Variants in MOV10L1 observed in about 807,000 individuals in gnomAD.
MOV10L1 encodes Mov10 like RNA helicase 1, also known as RNA helicase Mov10l1.
A neutral mutation model predicts 143.8 loss-of-function variants in MOV10L1; 110 were observed. That is an observed-to-expected ratio of 0.76 (90% CI 0.66 to 0.90). MOV10L1 has a LOEUF of 0.90. Ranked by LOEUF, MOV10L1 falls within the 40% of genes least tolerant of loss-of-function variation. MOV10L1 has a pLI of 0.00. For missense variants in MOV10L1, 1,406 were observed against 1,526.8 expected, an observed-to-expected ratio of 0.92 and a Z score of 1.32; for synonymous variants, 593 against 581.1, an observed-to-expected ratio of 1.02 and a Z score of -0.29.
rs1040326556 is a variant in MOV10L1 at position 50,134,704 on chromosome 22, G to A, written c.2070+74G>A. The A allele has an allele frequency of 1.4e-5, 18 of 1,297,296 alleles. No homozygotes were observed. In the Admixed American group the frequency reaches 2.4e-4, roughly 17 times the overall value. The allele number at this position is 1,297,296 out of a possible 1,614,324, so 80.4% of individuals were successfully genotyped here. On this transcript the variant is annotated intron_variant, in intron 15 of 26. Coordinates refer to ENST00000262794, the MANE Select transcript of MOV10L1 (RefSeq NM_018995.3). ...CGTGGCTGTCTTTACATAGGGGGTG[G>A]CTCAGCGGCGTGACTGTCTCTACAC... is the stretch of plus-strand genomic sequence containing the variant.
chr22:50,109,670 CAAAAAAA>C (rs35087419), intron 5 of MOV10L1: 6,373 of 107,384 alleles, frequency 0.059, 216 homozygotes, highest in African/African-American at 0.14. Context: ...GACTCCTTCT[CAAAAAAA>C]AAAAAAAAAA....
At chr22:50,129,489 T>C (rs929561454) in intron 13 of MOV10L1, among the ~76,000 whole-genome samples, 1 of 152,252 alleles carries the variant, frequency 6.6e-6, no homozygotes, top group African/African-American at 2.4e-5. Flanking sequence ...GTTCATTGGT[T>C]TGCGGTTGTG....
chr22:50,097,890 A>G (rs1352786656), intron 2 of MOV10L1, among the ~76,000 whole-genome samples: 3 of 151,926 alleles, frequency 2.0e-5, no homozygotes, highest in South Asian at 2.1e-4. Flanking sequence ...ATGGAGTGCA[A>G]TGATGTGATA....
chr22:50,146,271 A>G (rs949042449), intron 19 of MOV10L1, among the ~76,000 whole-genome samples: 1 of 151,792 alleles, frequency 6.6e-6, no homozygotes, highest in African/African-American at 2.4e-5. Flanking sequence ...TGCCTAGGAA[A>G]CGGCTGGGCT....
At chr22:50,146,285 T>G (rs2063150753) in intron 19 of MOV10L1, among the ~76,000 whole-genome samples, 1 of 151,770 alleles carries the variant, frequency 6.6e-6, no homozygotes, top group African/African-American at 2.4e-5. Context: ...CTGGGCTCTG[T>G]AAGGTCAGAC....
intron 1 of MOV10L1, chr22:50,090,512 G>A (rs773433665): frequency 6.2e-7 from 1 of 1,608,494 alleles, no homozygotes; most frequent in Non-Finnish European, 8.5e-7. Context: ...CATTGGCGGT[G>A]GTGTGTCTAG....
At chr22:50,160,886 G>A (rs909863301) in intron 25 of MOV10L1, 61 bp downstream of exon 25, 60 of 1,613,044 alleles carry the variant, frequency 3.7e-5, no homozygotes, top group Non-Finnish European at 4.7e-5. Flanking sequence ...CGGGTCACTC[G>A]GGGTGAGACG....
At chr22:50,090,424 TC>T in intron 1 of MOV10L1, 1 of 1,590,482 alleles carries the variant, frequency 6.3e-7, no homozygotes, top group Non-Finnish European at 8.6e-7. Flanking sequence ...CAGCCCCTCT[TC>T]CCGCCCTCAC....
At chr22:50,145,221 C>T (rs1288609119) in intron 18 of MOV10L1, among the ~76,000 whole-genome samples, 2 of 152,206 alleles carry the variant, frequency 1.3e-5, no homozygotes, top group Non-Finnish European at 2.9e-5. Context: ...AGATTACAGG[C>T]TTTAGCCACT....
chr22:50,101,077 A>T (rs376436402), intron 3 of MOV10L1, among the ~76,000 whole-genome samples: 2 of 152,182 alleles, frequency 1.3e-5, no homozygotes, highest in African/African-American at 4.8e-5. Context: ...GTCCATTTGC[A>T]CAGCCCACAG....
intron 2 of MOV10L1, 88 bp downstream of exon 2, chr22:50,092,273 C>G (rs1330016263): frequency 9.0e-6 from 11 of 1,222,796 alleles, no homozygotes; most frequent in Non-Finnish European, 1.2e-5. Flanking sequence ...CAGACATGAC[C>G]CGGCCAAGGG....
chr22:50,153,329 C>T, intron 22 of MOV10L1, 111 bp downstream of exon 22: 1 of 1,291,334 alleles, frequency 7.7e-7, no homozygotes, highest in Non-Finnish European at 1.1e-6. Flanking sequence ...GGCAGATGTT[C>T]TGCTGGTCTC....
chr22:50,124,721 C>G (rs1427916972), intron 10 of MOV10L1, among the ~76,000 whole-genome samples: 1 of 152,146 alleles, frequency 6.6e-6, no homozygotes, highest in Non-Finnish European at 1.5e-5. Context: ...TGAGTGGGTC[C>G]CCTGACCCTC....
chr22:50,092,138 G>A lies in MOV10L1; in HGVS notation c.235G>A (p.Ala79Thr), dbSNP rs757285716. 1 of 1,614,216 alleles carries A rather than the reference G, an allele frequency of 6.2e-7. No homozygotes were observed. Among genetic ancestry groups the A allele is most frequent in the Admixed American group, 1.7e-5 (1 of 60,026 alleles). The change falls in exon 2 of 27, where the codon GCA (alanine) becomes ACA (threonine). Residue 79 changes from alanine to threonine, a missense_variant. This residue lies in a region of MOV10L1 where 166 missense variants were observed against 153.9 expected (regional missense o/e 1.08). Coordinates refer to ENST00000262794, the MANE Select transcript of MOV10L1 (RefSeq NM_018995.3). ...VLLNVGQEVI[A>T]VVEENKVSNG... ...TCTGAATGTTGGACAGGAAGTGATT[G>A]CAGTTGTGGAAGAAAATAAAGTGTC...
At chr22:50,125,949 G>A (rs1432271665) in intron 11 of MOV10L1, among the ~76,000 whole-genome samples, 4 of 142,078 alleles carry the variant, frequency 2.8e-5, no homozygotes, top group Non-Finnish European at 3.1e-5. Context: ...CACCACACCC[G>A]GCTGATTTTT....
intron 8 of MOV10L1, 117 bp downstream of exon 8, chr22:50,115,363 G>A (rs978678190): frequency 6.6e-6 from 8 of 1,205,480 alleles, no homozygotes; most frequent in Non-Finnish European, 7.6e-6. Context: ...CCAGGAGTTC[G>A]AAACCAGCCT....
At chr22:50,126,448 A>G (rs540030266) in intron 12 of MOV10L1, among the ~76,000 whole-genome samples, 176 bp downstream of exon 12, 5 of 152,346 alleles carry the variant, frequency 3.3e-5, no homozygotes, top group African/African-American at 9.6e-5. Context: ...GAAACTTAAT[A>G]CTATAATTTT....
chr22:50,137,793 T>C (rs1189892116), intron 15 of MOV10L1, among the ~76,000 whole-genome samples: 1 of 99,412 alleles, frequency 1.0e-5, no homozygotes, highest in African/African-American at 3.2e-5. Context: ...TATATAAATA[T>C]ACATATTTTA....
At chr22:50,144,342 A>G in intron 18 of MOV10L1, 99 bp downstream of exon 18, 1 of 1,394,134 alleles carries the variant, frequency 7.2e-7, no homozygotes, top group Non-Finnish European at 9.5e-7. Flanking sequence ...GAGGGTGGGC[A>G]CAGAGGCGCC....
Sources: allele counts gnomAD v4.1 joint callset (sites outside exome capture counted in the v4.1 genomes callset), GRCh38; gene constraint gnomAD v4.1.1; regional missense constraint gnomAD v4.1.1; transcripts MANE v1.5; gene names NCBI Gene and HGNC (gene_info 2026-07-23, HGNC 2026-07-21).